The following GRID2 variants were observed in gnomAD, a reference collection of about 807,000 sequenced individuals.
GRID2 encodes the protein glutamate ionotropic receptor delta type subunit 2, also known as glutamate receptor ionotropic, delta-2.
GRID2 carries 33 observed loss-of-function variants against 114.8 expected under a neutral mutation model. The observed-to-expected ratio is 0.29, with a 90% CI of 0.22 to 0.38. The LOEUF is 0.38. Ranked by LOEUF, GRID2 falls within the 10% of genes least tolerant of loss-of-function variation. The probability of loss-of-function intolerance (pLI) is 1.00; values close to 1 mark genes in which losing one functional copy is unlikely to be tolerated. For synonymous variants in GRID2, 505 were observed against 449.9 expected, an observed-to-expected ratio of 1.12 and a Z score of -1.55; for missense variants, 1,184 against 1,257.7, an observed-to-expected ratio of 0.94 and a Z score of 0.89.
chr4:93,175,684 A>G (rs894400982), intron 4 of GRID2, among the ~76,000 whole-genome samples: 1 of 152,222 alleles, frequency 6.6e-6, no homozygotes, highest in Non-Finnish European at 1.5e-5. Context: ...TAAAATTTAG[A>G]TGTTTTTAGA....
At chr4:93,424,168 A>G (rs1050620525) in intron 10 of GRID2, among the ~76,000 whole-genome samples, 3 of 151,880 alleles carry the variant, frequency 2.0e-5, no homozygotes, top group African/African-American at 7.2e-5. Flanking sequence ...CTCATACCAA[A>G]TATCATAGTT....
At chr4:93,148,991 A>G (rs1736497618) in intron 4 of GRID2, among the ~76,000 whole-genome samples, 2 of 152,162 alleles carry the variant, frequency 1.3e-5, no homozygotes, top group Admixed American at 6.5e-5. Context: ...TGGCATCATG[A>G]ATTTATGTTT....
intron 2 of GRID2, among the ~76,000 whole-genome samples, chr4:92,858,079 C>T (rs967758779): frequency 1.3e-5 from 2 of 152,136 alleles, no homozygotes; most frequent in Middle Eastern, 3.2e-3. Context: ...AACAAAATTC[C>T]TTTCAAATTA....
At chr4:92,841,728 A>G (rs1369166965) in intron 2 of GRID2, among the ~76,000 whole-genome samples, 1 of 152,058 alleles carries the variant, frequency 6.6e-6, no homozygotes, top group African/African-American at 2.4e-5. Flanking sequence ...TTCTCACTTC[A>G]TTTTGCTACC....
chr4:93,125,637 A>T (rs562329543), intron 4 of GRID2, among the ~76,000 whole-genome samples: 1 of 152,146 alleles, frequency 6.6e-6, no homozygotes, highest in South Asian at 2.1e-4. Flanking sequence ...ACTTTTTTTT[A>T]ACCGTGATTC....
chr4:93,292,349 A>G (rs1046040839), intron 8 of GRID2, among the ~76,000 whole-genome samples: 2 of 152,174 alleles, frequency 1.3e-5, no homozygotes, highest in Non-Finnish European at 2.9e-5. Flanking sequence ...GCTGCTTGAC[A>G]CTGTGGACCA....
intron 11 of GRID2, among the ~76,000 whole-genome samples, chr4:93,464,726 A>C (rs28697135): frequency 6.6e-6 from 1 of 152,062 alleles, no homozygotes; most frequent in African/African-American, 2.4e-5. Context: ...AGATAAATGC[A>C]TGACCCACCA....
intron 1 of GRID2, among the ~76,000 whole-genome samples, chr4:92,349,991 A>T (rs183927802): frequency 6.6e-6 from 1 of 151,876 alleles, no homozygotes; most frequent in Admixed American, 6.6e-5. Context: ...TTATGGTTCT[A>T]CTATATGCAT....
rs554663844 is a variant in GRID2 at position 93,423,336 on chromosome 4, C to CTTTTTTTTTTTTTTTT, written c.1545+382_1545+397dup. ...GCAATTTGTACTATTTTTTTTCTTT[C>CTTTTTTTTTTTTTTTT]TTTTTTTTTTTTTTTTTTTTTTTTT... On this transcript the variant is annotated intron_variant, in intron 10 of 15. Transcript: ENST00000282020. Among the ~76,000 whole-genome samples the CTTTTTTTTTTTTTTTT allele has an allele frequency of 9.4e-4, 69 of 73,574 alleles. 2 individuals carry two copies. Among genetic ancestry groups the CTTTTTTTTTTTTTTTT allele is most frequent in the East Asian group, 1.4e-3 (3 of 2,178 alleles). 48.3% of individuals were successfully genotyped at this position (73,574 alleles called of 152,430 possible).
At chr4:92,861,938 G>A (rs970769487) in intron 2 of GRID2, among the ~76,000 whole-genome samples, 1 of 151,806 alleles carries the variant, frequency 6.6e-6, no homozygotes, top group Non-Finnish European at 1.5e-5. Context: ...GCTTATGTGA[G>A]TACTTCCTTA....
At chr4:92,822,805 T>C (rs1741382312) in intron 2 of GRID2, 1 of 156,988 alleles carries the variant, frequency 6.4e-6, no homozygotes, top group South Asian at 1.9e-4. Context: ...AATGTCCACA[T>C]GATGATGATT....
chr4:93,501,998 C>T (rs983991800), intron 12 of GRID2, among the ~76,000 whole-genome samples: 4 of 151,658 alleles, frequency 2.6e-5, no homozygotes, highest in Admixed American at 2.0e-4. Flanking sequence ...ATTCTATCCA[C>T]CACAAACTTA....
intron 2 of GRID2, among the ~76,000 whole-genome samples, chr4:92,743,095 G>GGT (rs1736973030): frequency 6.6e-6 from 1 of 152,114 alleles, no homozygotes; most frequent in Non-Finnish European, 1.5e-5. Flanking sequence ...TGGACAACAT[G>GGT]GTGAAACCCT....
chr4:93,434,384 G>A (rs956286915), intron 10 of GRID2, among the ~76,000 whole-genome samples: 10 of 151,964 alleles, frequency 6.6e-5, no homozygotes, highest in Non-Finnish European at 1.5e-4. Context: ...CACCAACATG[G>A]CACATGTATA....
intron 2 of GRID2, among the ~76,000 whole-genome samples, chr4:92,692,514 G>A (rs554046221): frequency 1.8e-4 from 28 of 152,160 alleles, no homozygotes; most frequent in Non-Finnish European, 3.7e-4. Flanking sequence ...ATCCATCTAA[G>A]TATACTTAAT....
intron 2 of GRID2, among the ~76,000 whole-genome samples, chr4:92,608,935 A>G (rs991089871): frequency 1.4e-4 from 22 of 151,814 alleles, no homozygotes; most frequent in Admixed American, 1.3e-3. Context: ...TGTAAGTGCT[A>G]AATACCAAGG....
chr4:92,617,382 C>A (rs908320262), intron 2 of GRID2, among the ~76,000 whole-genome samples: 3 of 151,708 alleles, frequency 2.0e-5, no homozygotes, highest in South Asian at 2.1e-4. Flanking sequence ...ACTTGTCCCC[C>A]ATCCCCGACA....
chr4:92,396,679 A>T (rs1730505862), intron 1 of GRID2, among the ~76,000 whole-genome samples: 1 of 152,068 alleles, frequency 6.6e-6, no homozygotes, highest in Admixed American at 6.6e-5. Flanking sequence ...ATTATTAAAG[A>T]TGGTCAAAGC....
intron 14 of GRID2, among the ~76,000 whole-genome samples, chr4:93,687,641 T>C (rs1726190757): frequency 6.6e-6 from 1 of 151,990 alleles, no homozygotes; most frequent in African/African-American, 2.4e-5. Context: ...ACTGGATTCA[T>C]AATGAGGAGA....
Sources: gnomAD v4.1 joint callset for allele counts (sites outside exome capture counted in the v4.1 genomes callset) on GRCh38, gnomAD v4.1.1 for gene constraint, MANE v1.5 for transcripts, NCBI Gene and HGNC (gene_info 2026-07-23, HGNC 2026-07-21) for gene names.